MYT1: variants seen among roughly 807,000 people sequenced by gnomAD.
MYT1 encodes the protein myelin transcription factor 1.
A neutral mutation model predicts 123.0 loss-of-function variants in MYT1; 23 were observed. The ratio of observed to expected loss-of-function variants is 0.19; its 90% CI spans 0.13 to 0.26. MYT1 has a LOEUF of 0.26. Ranked by LOEUF, MYT1 falls within the 10% of genes least tolerant of loss-of-function variation. The pLI is 1.00. For synonymous variants in MYT1, 518 were observed against 575.3 expected (o/e 0.90, Z 1.43); for missense variants, 1,125 against 1,472.5 (o/e 0.76, Z 3.86).
At chr20:64,175,418 C>T (rs1467197826) in intron 1 of MYT1, among the ~76,000 whole-genome samples, 3 of 1,218 alleles carry the variant, frequency 2.5e-3, no homozygotes, top group Admixed American at 0.019. Flanking sequence ...TTTCCCCTCC[C>T]TGGCTTCTCC....
chr20:64,235,385 G>T (rs1373876571), intron 19 of MYT1, among the ~76,000 whole-genome samples: 3 of 139,746 alleles, frequency 2.1e-5, no homozygotes, highest in Non-Finnish European at 4.6e-5. Context: ...GGCTGGTGGT[G>T]GTGGGTGACC....
rs765248454 is a variant in MYT1 at position 64,227,405 on chromosome 20, C to T, written c.2529-10C>T. 3 of 1,612,432 alleles carry T rather than the reference C, an allele frequency of 1.9e-6. No individual in the cohort carries two copies. In the East Asian group the frequency reaches 6.7e-5, roughly 36 times the overall value. On this transcript the variant is annotated splice_polypyrimidine_tract_variant and intron_variant, in intron 16 of 22. Coordinates refer to ENST00000328439, the MANE Select transcript of MYT1 (RefSeq NM_004535.3). Reference sequence around the variant, plus strand: ...ACGGGCTCCCGTTCCAGTTCTGCTTCCCTCTGCAGGTGCCCCACGCCCGGC... The same window carrying T: ...ACGGGCTCCCGTTCCAGTTCTGCTTTCCTCTGCAGGTGCCCCACGCCCGGC...
intron 6 of MYT1, among the ~76,000 whole-genome samples, chr20:64,206,751 C>T (rs1047558221): frequency 2.0e-5 from 3 of 152,184 alleles, no homozygotes; most frequent in Non-Finnish European, 2.9e-5. Context: ...TCAAGAAGGG[C>T]GTCTGGGGTT....
At position 64,217,295 on chromosome 20, in the gene MYT1, A is replaced by G; in HGVS notation, c.1846+14A>G. The G allele has an allele frequency of 6.2e-7, 1 of 1,613,370 alleles. No homozygotes were observed. The highest frequency in any genetic ancestry group is 2.2e-5 in the East Asian group (1 of 44,858). On this transcript the variant is annotated intron_variant, in intron 11 of 22. Transcript: ENST00000328439. ...AAGCCTTTCAATGTAAGTTGGGGAGAATTGTTCTTGTTTCTCTTCTGTGTT... is the reference window on the plus strand; with the variant it reads ...AAGCCTTTCAATGTAAGTTGGGGAGGATTGTTCTTGTTTCTCTTCTGTGTT...
chr20:64,201,193 T>C (rs76074781), intron 4 of MYT1, among the ~76,000 whole-genome samples: 71 of 152,284 alleles, frequency 4.7e-4, no homozygotes, highest in African/African-American at 1.6e-3. Flanking sequence ...CAAATACAAA[T>C]GGCAGGGTGC....
intron 2 of MYT1, among the ~76,000 whole-genome samples, chr20:64,194,219 C>T (rs1386312707): frequency 6.6e-6 from 1 of 152,208 alleles, no homozygotes; most frequent in Non-Finnish European, 1.5e-5. Context: ...GTGAGGGAAA[C>T]AAACAGGCAC....
chr20:64,218,912 C>T lies in MYT1; in HGVS notation c.1848C>T (p.Cys616=), dbSNP rs1195571610. ...GGAGCACTTCATCCTCTTCTGCAGG[C>T]TTTGACTACTCGCAGGACGCCGAGG... ...TSETSPKAFQ[C]FDYSQDAEAA... is the part of the protein sequence containing the mutation. Residue 616 remains cysteine (C), a splice_region_variant and synonymous_variant, in exon 12 of 23, where the codon TGC becomes TGT. Transcript: ENST00000328439. The surrounding 1 kb of genome is among the most constrained non-coding windows in gnomAD (Gnocchi z 4.0). 1.4e-5 allele frequency: 23 copies of T among 1,613,588 alleles called. No individual in the cohort carries two copies. Among genetic ancestry groups the T allele is most frequent in the Non-Finnish European group, 1.9e-5 (23 of 1,180,032 alleles).
chr20:64,226,110 A>G (rs1984163185), intron 16 of MYT1, among the ~76,000 whole-genome samples: 1 of 152,194 alleles, frequency 6.6e-6, no homozygotes, highest in African/African-American at 2.4e-5. Flanking sequence ...TGGAGCCCCA[A>G]GTGGCCACTT....
intron 2 of MYT1, among the ~76,000 whole-genome samples, chr20:64,195,107 G>A (rs1010888088): frequency 7.2e-5 from 11 of 152,082 alleles, no homozygotes; most frequent in African/African-American, 2.2e-4. Flanking sequence ...GCCTGCCTCG[G>A]CCTCCCAAAG....
At chr20:64,180,141 A>G (rs1040261938) in intron 1 of MYT1, among the ~76,000 whole-genome samples, 6 of 150,756 alleles carry the variant, frequency 4.0e-5, no homozygotes, top group Non-Finnish European at 4.4e-5. Flanking sequence ...TGCTACACAC[A>G]CGCTACACAC....
Position 64,223,139 on chromosome 20 carries a change from G to A in MYT1, c.2425G>A (p.Gly809Ser). ...TCPTPGCDGS[G>S]HITGNYASHR... ...TCCCACCCCTGGCTGTGACGGCAGCGGCCACATCACCGGGAACTACGCCTC... is the reference window on the plus strand; with the variant it reads ...TCCCACCCCTGGCTGTGACGGCAGCAGCCACATCACCGGGAACTACGCCTC... The change falls in exon 15 of 23, where the codon GGC becomes AGC. Residue 809 changes from glycine (G) to serine (S), a missense_variant. Physicochemically the swap from Gly to Ser is moderately conservative, Grantham distance 56. This residue lies in a region of MYT1 where 47 missense variants were observed against 113.1 expected (regional missense o/e 0.42). Coordinates refer to ENST00000328439, the MANE Select transcript of MYT1 (RefSeq NM_004535.3). 3.1e-6 allele frequency: 5 copies of A among 1,614,126 alleles called. No individual in the cohort carries two copies. Among genetic ancestry groups the A allele is most frequent in the Non-Finnish European group, 4.2e-6 (5 of 1,180,028 alleles).
chr20:64,228,125 G>GAAA, intron 18 of MYT1, 154 bp downstream of exon 18: 1 of 708,392 alleles, frequency 1.4e-6, no homozygotes, highest in Non-Finnish European at 2.4e-6. Flanking sequence ...TCATTTTTAT[G>GAAA]GAAGCTCTCA....
rs138228890 is a variant in MYT1 at position 64,234,929 on chromosome 20, G to C, written c.2898-1626G>C. Among the ~76,000 whole-genome samples the C allele has an allele frequency of 6.5e-3, 978 of 149,744 alleles. 6 individuals carry two copies. Among genetic ancestry groups the C allele is most frequent in the Admixed American group, 0.013 (192 of 15,102 alleles). On this transcript the variant is annotated intron_variant, in intron 19 of 22. Coordinates refer to ENST00000328439, the MANE Select transcript of MYT1 (RefSeq NM_004535.3). ...GGTGGTGGTGGGTGACCCTTGGCTG[G>C]CCATGGTGGGTGACCCTGGGATGGC...
chr20:64,222,082 G>A (rs778557309), intron 14 of MYT1, 35 bp downstream of exon 14: 4 of 1,609,628 alleles, frequency 2.5e-6, no homozygotes, highest in Admixed American at 1.7e-5. Context: ...GCTCCTAGGG[G>A]ACCCTCTGTG....
chr20:64,169,454 A>G (rs962127146), intron 1 of MYT1, among the ~76,000 whole-genome samples: 2 of 152,190 alleles, frequency 1.3e-5, no homozygotes, highest in Non-Finnish European at 2.9e-5. Flanking sequence ...TGGGCAGCCA[A>G]AGTGGCTCCT....
At chr20:64,228,503 T>G (rs1276305983) in intron 18 of MYT1, among the ~76,000 whole-genome samples, 1 of 152,224 alleles carries the variant, frequency 6.6e-6, no homozygotes, top group Non-Finnish European at 1.5e-5. Context: ...GAGGACATCT[T>G]GGGCCTTAAG....
intron 1 of MYT1, among the ~76,000 whole-genome samples, chr20:64,178,871 C>G (rs1210369527): frequency 2.5e-5 from 3 of 120,052 alleles, no homozygotes; most frequent in African/African-American, 6.9e-5. Context: ...TACCCTTCAA[C>G]GTGGGAGCAC....
At chr20:64,200,580 C>T (rs1568707429) in intron 4 of MYT1, among the ~76,000 whole-genome samples, 1 of 152,130 alleles carries the variant, frequency 6.6e-6, no homozygotes, top group Non-Finnish European at 1.5e-5. Context: ...CTTGAGGCCC[C>T]GTAACTTGGA....
chr20:64,218,130 C>T lies in MYT1; in HGVS notation c.1847-781C>T, dbSNP rs577067951. 4.6e-5 allele frequency among the ~76,000 whole-genome samples: 7 copies of T among 152,312 alleles called. No homozygotes were observed. The highest frequency in any genetic ancestry group is 1.0e-4 in the Non-Finnish European group (7 of 68,026). On this transcript the variant is annotated intron_variant, in intron 11 of 22. Transcript: ENST00000328439. This position sits in a 1 kb window ranked among gnomAD's most constrained non-coding sequence, Gnocchi z 4.0. The stretch of plus-strand genomic sequence containing the variant: ...CTCTTCCTAACTTTGACAGAACCTG[C>T]TCTTTAGGATGGAGGACTTCCTGCC...
Sources: allele counts gnomAD v4.1 joint callset (sites outside exome capture counted in the v4.1 genomes callset), GRCh38; gene constraint gnomAD v4.1.1; regional missense constraint gnomAD v4.1.1; non-coding constraint Gnocchi (gnomAD v3.1); transcripts MANE v1.5; gene names NCBI Gene and HGNC (gene_info 2026-07-23, HGNC 2026-07-21).